Variants in MTOR observed in about 807,000 individuals in gnomAD.
MTOR encodes serine/threonine-protein kinase mTOR.
A neutral mutation model predicts 319.8 loss-of-function variants in MTOR; 70 were observed. The ratio of observed to expected loss-of-function variants is 0.22; its 90% CI spans 0.18 to 0.27. MTOR has a LOEUF of 0.27. MTOR is among the 10% of genes least tolerant of loss of function. The pLI is 1.00. For synonymous variants in MTOR, 1,183 were observed against 1,211.4 expected (o/e 0.98, Z 0.49); for missense variants, 1,890 against 3,274.4 (o/e 0.58, Z 10.32).
At chr1:11,180,967 G>T (rs1458051578) in intron 28 of MTOR, among the ~76,000 whole-genome samples, 1 of 152,090 alleles carries the variant, frequency 6.6e-6, no homozygotes, top group Non-Finnish European at 1.5e-5. Flanking sequence ...AATAGAGACG[G>T]GGTTTCACCA....
chr1:11,154,523 CTATA>C (rs200447468), intron 30 of MTOR, among the ~76,000 whole-genome samples: 47 of 149,686 alleles, frequency 3.1e-4, no homozygotes, highest in African/African-American at 1.1e-3. Context: ...ATCTCTCTCT[CTATA>C]TATATATATA....
rs548957745 is a variant in MTOR at position 11,200,816 on chromosome 1, C to A, written c.3945-1113G>T. ...GGATCACAAGGTCAGGAGATCGAGA[C>A]CATCCTGGCTAACATGGTGAAACCC... On this transcript the variant is annotated intron_variant, in intron 26 of 57. Coordinates refer to ENST00000361445, the MANE Select transcript of MTOR (RefSeq NM_004958.4). Among the ~76,000 whole-genome samples the A allele has an allele frequency of 1.6e-3, 249 of 151,956 alleles. 2 individuals are homozygous for A. The highest frequency in any genetic ancestry group is 5.6e-3 in the African/African-American group (230 of 41,414).
intron 26 of MTOR, among the ~76,000 whole-genome samples, chr1:11,201,920 G>A (rs946377571): frequency 1.3e-5 from 2 of 152,024 alleles, no homozygotes; most frequent in Admixed American, 6.5e-5. Context: ...TAATCCCCCC[G>A]CCTTAGCCTC....
chr1:11,158,517 C>A (rs756614504), intron 29 of MTOR, among the ~76,000 whole-genome samples: 20 of 152,160 alleles, frequency 1.3e-4, no homozygotes, highest in Non-Finnish European at 2.1e-4. Context: ...AAAGTCTTTG[C>A]CCAACATCAG....
intron 26 of MTOR, among the ~76,000 whole-genome samples, chr1:11,200,771 T>C (rs1296593061): frequency 6.6e-6 from 1 of 152,088 alleles, no homozygotes; most frequent in Non-Finnish European, 1.5e-5. Context: ...ATCCCAGTAC[T>C]TTGGGGGGCT....
At chr1:11,130,996 C>T in intron 38 of MTOR, 1 of 619,990 alleles carries the variant, frequency 1.6e-6, no homozygotes, top group South Asian at 2.0e-5. Flanking sequence ...TATGAGTGCA[C>T]TGCGAGAAGG....
At chr1:11,195,095 G>C in intron 28 of MTOR, 1 of 1,495,922 alleles carries the variant, frequency 6.7e-7, no homozygotes. Context: ...GATGAGGACA[G>C]GAAGAGAGTG....
chr1:11,222,193 A>T (rs184912115), intron 19 of MTOR, among the ~76,000 whole-genome samples: 7,163 of 151,538 alleles, frequency 0.047, 412 homozygotes, highest in African/African-American at 0.13. Flanking sequence ...AAATTTATTT[A>T]AAAAAAATTT....
chr1:11,204,450 A>G, intron 26 of MTOR, 111 bp downstream of exon 26: 1 of 1,389,646 alleles, frequency 7.2e-7, no homozygotes, highest in South Asian at 1.7e-5. Flanking sequence ...ATCCCACAAA[A>G]TTAGAAAAAT....
chr1:11,168,530 C>A (rs1310832862), intron 28 of MTOR, among the ~76,000 whole-genome samples: 1 of 152,238 alleles, frequency 6.6e-6, no homozygotes, highest in Non-Finnish European at 1.5e-5. Flanking sequence ...GAGCCCACCC[C>A]CTTCAAATTC....
intron 19 of MTOR, among the ~76,000 whole-genome samples, chr1:11,227,415 A>G (rs1321591093): frequency 6.6e-6 from 1 of 152,178 alleles, no homozygotes; most frequent in Non-Finnish European, 1.5e-5. Flanking sequence ...CATAATTTCT[A>G]AAAACATGCT....
In MTOR at chr1:11,133,120, T is replaced by C. The variant is rs747803953; in HGVS notation, c.5324A>G (p.Tyr1775Cys). ...NESTIPKVLQYYSAATEHDRS... is the reference protein window; with the variant it reads ...NESTIPKVLQCYSAATEHDRS... Reference sequence around the variant, plus strand: ...GTCGTGCTCTGTGGCGGCGCTGTAGTACTGCAGCACTTTGGGGATTGTGCT... The same window carrying C: ...GTCGTGCTCTGTGGCGGCGCTGTAGCACTGCAGCACTTTGGGGATTGTGCT... The change falls in exon 38 of 58, where the codon TAC becomes TGC. Residue 1775 changes from tyrosine to cysteine, a missense_variant. Physicochemically the swap from Tyr to Cys is radical, Grantham distance 194 (BLOSUM62 -2). This residue lies in a region of MTOR where 276 missense variants were observed against 459.4 expected (regional missense o/e 0.60). Coordinates refer to ENST00000361445, the MANE Select transcript of MTOR (RefSeq NM_004958.4). The surrounding 1 kb of genome is among the most constrained non-coding windows in gnomAD (Gnocchi z 4.0). 22 of 1,614,076 alleles carry C rather than the reference T, an allele frequency of 1.4e-5. No homozygotes were observed. Among genetic ancestry groups the C allele is most frequent in the Non-Finnish European group, 1.8e-5 (21 of 1,180,038 alleles).
chr1:11,127,179 A>G lies in MTOR; in HGVS notation c.6217-35T>C. 1 of 1,612,202 alleles carries G rather than the reference A, an allele frequency of 6.2e-7. No homozygotes were observed. The highest frequency in any genetic ancestry group is 8.5e-7 in the Non-Finnish European group (1 of 1,179,526). ...AAAGCAGGCACGTTTTCAAGTTATC[A>G]AAGTCTCAACCAACCCAGGAGGCAA... is the stretch of plus-strand genomic sequence containing the variant. On this transcript the variant is annotated intron_variant, in intron 44 of 57. Transcript: ENST00000361445. The surrounding 1 kb of genome is among the most constrained non-coding windows in gnomAD (Gnocchi z 5.5).
intron 19 of MTOR, among the ~76,000 whole-genome samples, chr1:11,228,291 G>C (rs12752896): frequency 0.61 from 92,748 of 151,656 alleles, 31,389 homozygotes; most frequent in East Asian, 0.87. Context: ...CAGGTTCAAG[G>C]GATTCTCCTG....
At chr1:11,131,897 A>G (rs150482761) in intron 38 of MTOR, 8 of 152,358 alleles carry the variant, frequency 5.3e-5, no homozygotes, top group Non-Finnish European at 1.2e-4. Flanking sequence ...GAATAGATTG[A>G]TCACAACTAA....
intron 19 of MTOR, 148 bp downstream of exon 19, chr1:11,228,520 G>T: frequency 9.1e-7 from 1 of 1,102,216 alleles, no homozygotes; most frequent in Non-Finnish European, 1.3e-6. Context: ...TGAGCTGATT[G>T]TACACTTTAT....
chr1:11,226,887 C>G (rs952576794), intron 19 of MTOR, among the ~76,000 whole-genome samples: 1 of 152,056 alleles, frequency 6.6e-6, no homozygotes, highest in African/African-American at 2.4e-5. Context: ...AACTAAAAAA[C>G]AAAACTTCCT....
intron 29 of MTOR, among the ~76,000 whole-genome samples, chr1:11,160,980 G>A (rs1386716839): frequency 6.6e-6 from 1 of 152,166 alleles, no homozygotes; most frequent in Non-Finnish European, 1.5e-5. Context: ...CCAAAGCAGG[G>A]TGAGGCATCA....
chr1:11,203,218 C>G (rs1646035742), intron 26 of MTOR, among the ~76,000 whole-genome samples: 1 of 151,212 alleles, frequency 6.6e-6, no homozygotes, highest in Non-Finnish European at 1.5e-5. Flanking sequence ...ATCTCAAAAA[C>G]AAAAACAAAA....
Sources: gnomAD v4.1 joint callset for allele counts (sites outside exome capture counted in the v4.1 genomes callset) on GRCh38, gnomAD v4.1.1 for gene constraint, gnomAD v4.1.1 regional missense constraint, Gnocchi (gnomAD v3.1) non-coding constraint, MANE v1.5 for transcripts, NCBI Gene and HGNC (gene_info 2026-07-23, HGNC 2026-07-21) for gene names.